The following AVEN variants were observed in gnomAD, a reference collection of about 807,000 sequenced individuals.
AVEN encodes cell death regulator Aven.
In AVEN, 41 loss-of-function variants were observed where a neutral mutation model predicts 38.1. That is an observed-to-expected ratio of 1.08 (90% CI 0.84 to 1.40). AVEN has a LOEUF of 1.40. Among genes scored for constraint, AVEN ranks in the 40% most tolerant of loss-of-function variants. The pLI, the probability that AVEN is intolerant of heterozygous loss-of-function variation, is 0.00. For synonymous variants in AVEN, 206 were observed against 171.8 expected (o/e 1.20, Z -1.56); for missense variants, 605 against 438.8 (o/e 1.38, Z -3.38).
At chr15:34,015,247 G>C (rs1463743937) in intron 1 of AVEN, among the ~76,000 whole-genome samples, 1 of 152,234 alleles carries the variant, frequency 6.6e-6, no homozygotes, top group East Asian at 1.9e-4. Context: ...ACTTTCGGAG[G>C]CCAAGGCAGG....
chr15:33,870,912 C>T (rs1351970562), intron 4 of AVEN, 23 bp downstream of exon 4: 3 of 1,589,490 alleles, frequency 1.9e-6, no homozygotes, highest in Non-Finnish European at 1.7e-6. Flanking sequence ...CCACCCGCTT[C>T]AAGAGGGCTT....
chr15:33,912,242 A>G (rs1892944401), intron 2 of AVEN, among the ~76,000 whole-genome samples: 2 of 152,200 alleles, frequency 1.3e-5, no homozygotes, highest in South Asian at 4.1e-4. Flanking sequence ...TAGAAGAGGC[A>G]TAAATATTAG....
chr15:33,861,798 CTGTTTTCATACTGCCTTTTTT>C (rs542493412), downstream of AVEN, among the ~76,000 whole-genome samples: 93 of 152,272 alleles, frequency 6.1e-4, 6 homozygotes, highest in South Asian at 0.019. Flanking sequence ...TTGGGCATGT[CTGTTTTCATACTGCCTTTTTT>C]TGTTTTTGTT....
chr15:34,063,062 C>T lies in AVEN; in HGVS notation n.1497G>A, dbSNP rs143379631. 444 of 1,614,206 alleles carry T rather than the reference C, an allele frequency of 2.8e-4. 1 individual carries two copies. In the African/African-American group the frequency reaches 5.1e-3, roughly 19 times the overall value. The stretch of plus-strand genomic sequence containing the variant: ...TTGCACTGGACTACGTGGCCAGCAA[C>T]GCTTCTGTCATGAACCTTCTGGTGA... On this transcript the variant is annotated non_coding_transcript_exon_variant, in exon 5 of 12. Transcript: ENST00000675287. This position sits in a 1 kb window ranked among gnomAD's most constrained non-coding sequence, Gnocchi z 4.1.
downstream of AVEN, chr15:33,855,088 A>C: frequency 2.0e-6 from 1 of 496,280 alleles, no homozygotes; most frequent in Admixed American, 4.3e-5. Flanking sequence ...GCCAATTAAA[A>C]ATGTAACTGC....
intron 3 of AVEN, among the ~76,000 whole-genome samples, chr15:33,872,589 C>T (rs1891022180): frequency 6.6e-6 from 1 of 151,922 alleles, no homozygotes; most frequent in Non-Finnish European, 1.5e-5. Context: ...AAAGCCAGGC[C>T]CTCAGGAACG....
intron 2 of AVEN, among the ~76,000 whole-genome samples, chr15:33,900,352 G>A (rs1344498198): frequency 1.3e-5 from 2 of 150,876 alleles, no homozygotes; most frequent in Non-Finnish European, 2.9e-5. Context: ...CTGGCACCCA[G>A]GCTGGAGTGC....
At chr15:33,853,932 A>G (rs2079369546), downstream of AVEN, among the ~76,000 whole-genome samples, 1 of 152,102 alleles carries the variant, frequency 6.6e-6, no homozygotes, top group Non-Finnish European at 1.5e-5. Flanking sequence ...AGTGGCTCAT[A>G]CCTGTAATCC....
intron 2 of AVEN, among the ~76,000 whole-genome samples, chr15:34,001,329 G>C (rs955509560): frequency 1.3e-5 from 2 of 152,118 alleles, no homozygotes; most frequent in African/African-American, 4.8e-5. Flanking sequence ...GCCTGGACTA[G>C]AATTTTTAAC....
intron 2 of AVEN, among the ~76,000 whole-genome samples, chr15:34,069,899 T>C (rs1900594300): frequency 6.6e-6 from 1 of 152,200 alleles, no homozygotes. Flanking sequence ...ATCAAAACGA[T>C]ATGAGAAGAT....
At chr15:33,933,524 C>CACACACACACACACACAGAGAGAGAG (rs1893945145) in intron 2 of AVEN, among the ~76,000 whole-genome samples, 2 of 46,650 alleles carry the variant, frequency 4.3e-5, no homozygotes, top group African/African-American at 1.4e-4. Context: ...CACACACACA[C>CACACACACACACACACAGAGAGAGAG]AGAGAGAGAG....
intron 3 of AVEN, among the ~76,000 whole-genome samples, chr15:33,874,468 G>A (rs1891138422): frequency 6.6e-6 from 1 of 152,096 alleles, no homozygotes; most frequent in South Asian, 2.1e-4. Flanking sequence ...ACCTACCAGA[G>A]TCACACTTGT....
chr15:33,976,023 C>G (rs542748238), intron 2 of AVEN, among the ~76,000 whole-genome samples: 1 of 152,272 alleles, frequency 6.6e-6, no homozygotes, highest in East Asian at 1.9e-4. Context: ...TGGAGTTGTC[C>G]TGAGTTGTTT....
intron 4 of AVEN, among the ~76,000 whole-genome samples, chr15:33,869,411 T>C (rs557597973): frequency 2.0e-5 from 3 of 152,336 alleles, no homozygotes; most frequent in South Asian, 4.2e-4. Flanking sequence ...ACTTCCTCTC[T>C]GTCCTGAGTC....
Position 33,958,020 on chromosome 15 carries a change from G to A in AVEN, c.445+45012C>T, listed in dbSNP as rs193083796. Among the ~76,000 whole-genome samples, 27 of 152,242 alleles carry A rather than the reference G, an allele frequency of 1.8e-4. 1 individual carries two copies. Among genetic ancestry groups the A allele is most frequent in the Admixed American group, 1.8e-3 (27 of 15,296 alleles). ...GGAGTAGCAACTTACGGTCCGTCAA[G>A]CCATCCAGGTGTTTCTAATGCACAC... On this transcript the variant is annotated intron_variant, in intron 2 of 5. Transcript: ENST00000306730.
intron 2 of AVEN, among the ~76,000 whole-genome samples, chr15:33,942,220 C>T (rs750525335): frequency 6.6e-6 from 1 of 152,130 alleles, no homozygotes; most frequent in Non-Finnish European, 1.5e-5. Context: ...TTGTCAAATT[C>T]TATGTTTGTA....
intron 2 of AVEN, among the ~76,000 whole-genome samples, chr15:33,937,327 G>C (rs1227053816): frequency 6.6e-6 from 1 of 150,826 alleles, no homozygotes; most frequent in Non-Finnish European, 1.5e-5. Context: ...GAGGTCAGGA[G>C]ATTGAGACCA....
At chr15:33,935,227 G>T (rs971348798) in intron 2 of AVEN, among the ~76,000 whole-genome samples, 2 of 152,166 alleles carry the variant, frequency 1.3e-5, no homozygotes, top group Admixed American at 6.5e-5. Context: ...TCATAAAAAT[G>T]ATTTTCAAGA....
chr15:33,982,261 T>C (rs1896185703), intron 2 of AVEN, among the ~76,000 whole-genome samples: 1 of 152,008 alleles, frequency 6.6e-6, no homozygotes, highest in Admixed American at 6.6e-5. Context: ...ATTAAGCCAA[T>C]CTAATTCAGA....
Sources: gnomAD v4.1 joint callset for allele counts (sites outside exome capture counted in the v4.1 genomes callset) on GRCh38, gnomAD v4.1.1 for gene constraint, Gnocchi (gnomAD v3.1) non-coding constraint, MANE v1.5 for transcripts, NCBI Gene and HGNC (gene_info 2026-07-23, HGNC 2026-07-21) for gene names.